UBE2E2: variants seen among roughly 807,000 people sequenced by gnomAD.
UBE2E2 encodes ubiquitin conjugating enzyme E2 E2, also known as ubiquitin-conjugating enzyme E2 E2.
UBE2E2 carries 6 observed loss-of-function variants against 24.7 expected under a neutral mutation model. The ratio of observed to expected loss-of-function variants is 0.24; its 90% CI spans 0.13 to 0.48. UBE2E2 has a LOEUF of 0.48. Ranked by LOEUF, UBE2E2 falls within the 20% of genes least tolerant of loss-of-function variation. UBE2E2 has a pLI of 0.99. For missense variants in UBE2E2, 169 were observed against 245.0 expected (o/e 0.69, Z 2.07); for synonymous variants, 104 against 83.6 (o/e 1.24, Z -1.33).
At chr3:23,505,078 G>GT (rs57451477) in intron 4 of UBE2E2, among the ~76,000 whole-genome samples, 1,598 of 139,550 alleles carry the variant, frequency 0.011, 16 homozygotes, top group African/African-American at 0.028. Context: ...GCTAATTTTT[G>GT]TTTTTTTTTT....
chr3:23,224,141 C>T (rs1696744744), intron 3 of UBE2E2, among the ~76,000 whole-genome samples: 1 of 138,764 alleles, frequency 7.2e-6, no homozygotes, highest in Admixed American at 7.5e-5. Flanking sequence ...TCTTGTGGTT[C>T]CATGTAAATT....
At chr3:23,282,184 A>T (rs145278165) in intron 3 of UBE2E2, among the ~76,000 whole-genome samples, 1 of 152,358 alleles carries the variant, frequency 6.6e-6, no homozygotes, top group Admixed American at 6.5e-5. Flanking sequence ...TGCAGTGAAT[A>T]CAGTTGGAAA....
At chr3:23,475,235 G>T (rs886550897) in intron 3 of UBE2E2, among the ~76,000 whole-genome samples, 1 of 151,954 alleles carries the variant, frequency 6.6e-6, no homozygotes, top group African/African-American at 2.4e-5. Context: ...TGCTGGTTCT[G>T]TCATAACCTA....
At chr3:23,490,875 T>C (rs977712558) in intron 3 of UBE2E2, among the ~76,000 whole-genome samples, 33 of 152,158 alleles carry the variant, frequency 2.2e-4, no homozygotes, top group African/African-American at 7.7e-4. Context: ...ATAGCCAAAA[T>C]CATTTTTTTC....
chr3:23,423,325 A>G (rs2125393357), intron 3 of UBE2E2, among the ~76,000 whole-genome samples: 1 of 152,270 alleles, frequency 6.6e-6, no homozygotes, highest in East Asian at 1.9e-4. Context: ...GTAAAGATAT[A>G]TTTTTCAAAA....
Position 23,435,360 on chromosome 3 carries a change from C to G in UBE2E2, c.228-64248C>G, listed in dbSNP as rs117690459. ...TAATCCTAGTTTACAGAATAAAAAG[C>G]TTGGAGATAAAAGTTAAGTTACTTG... On this transcript the variant is annotated intron_variant, in intron 3 of 5. Coordinates refer to ENST00000396703, the MANE Select transcript of UBE2E2 (RefSeq NM_152653.4). Among the ~76,000 whole-genome samples the G allele has an allele frequency of 4.6e-5, 7 of 152,256 alleles. No individual in the cohort carries two copies. In the East Asian group the frequency reaches 1.4e-3, roughly 29 times the overall value.
chr3:23,299,920 A>C (rs991525305), intron 3 of UBE2E2, among the ~76,000 whole-genome samples: 67 of 152,170 alleles, frequency 4.4e-4, no homozygotes, highest in Non-Finnish European at 4.6e-4. Context: ...TGGGAGTCTA[A>C]GTCTCTTTGT....
chr3:23,579,718 A>G, intron 5 of UBE2E2, among the ~76,000 whole-genome samples: 1 of 152,162 alleles, frequency 6.6e-6, no homozygotes, highest in East Asian at 1.9e-4. Flanking sequence ...AAAAGAAAAA[A>G]GAATACTATT....
At chr3:23,562,237 C>G (rs201459591) in intron 5 of UBE2E2, among the ~76,000 whole-genome samples, 1 of 151,896 alleles carries the variant, frequency 6.6e-6, no homozygotes, top group Non-Finnish European at 1.5e-5. Context: ...TTTTGAGATA[C>G]GTCCCATCAA....
At chr3:23,413,717 A>G (rs1697552432) in intron 3 of UBE2E2, among the ~76,000 whole-genome samples, 1 of 152,066 alleles carries the variant, frequency 6.6e-6, no homozygotes, top group African/African-American at 2.4e-5. Flanking sequence ...GTCATCCACT[A>G]GAGAGTAATT....
At chr3:23,515,407 T>C (rs1257232719) in intron 4 of UBE2E2, among the ~76,000 whole-genome samples, 5 of 152,004 alleles carry the variant, frequency 3.3e-5, no homozygotes. Context: ...CAAGGAAGTA[T>C]TATTTAGCTG....
intron 3 of UBE2E2, among the ~76,000 whole-genome samples, chr3:23,321,327 A>G (rs1694731738): frequency 6.6e-6 from 1 of 152,078 alleles, no homozygotes; most frequent in South Asian, 2.1e-4. Context: ...TGCCACTTGG[A>G]TCTACCCTGC....
At chr3:23,540,128 G>A (rs555756882) in intron 5 of UBE2E2, among the ~76,000 whole-genome samples, 14 of 151,492 alleles carry the variant, frequency 9.2e-5, no homozygotes, top group Non-Finnish European at 1.8e-4. Flanking sequence ...CAGTGGTGTC[G>A]TCATAGCTCT....
At chr3:23,259,419 TTTC>T (rs1470024779) in intron 3 of UBE2E2, among the ~76,000 whole-genome samples, 1 of 152,182 alleles carries the variant, frequency 6.6e-6, no homozygotes, top group African/African-American at 2.4e-5. Context: ...ACTGAATTTT[TTTC>T]TTATTTTTAA....
At chr3:23,303,120 G>C (rs966705598) in intron 3 of UBE2E2, among the ~76,000 whole-genome samples, 1 of 152,072 alleles carries the variant, frequency 6.6e-6, no homozygotes, top group African/African-American at 2.4e-5. Context: ...ACTTTATTGT[G>C]AACTGTGCAT....
intron 3 of UBE2E2, among the ~76,000 whole-genome samples, chr3:23,370,817 C>G (rs188061475): frequency 6.6e-6 from 1 of 152,074 alleles, no homozygotes; most frequent in African/African-American, 2.4e-5. Context: ...AATGGAAGAT[C>G]CCAGGAGGAA....
intron 3 of UBE2E2, among the ~76,000 whole-genome samples, chr3:23,352,427 A>G (rs1695781946): frequency 6.6e-6 from 1 of 152,236 alleles, no homozygotes; most frequent in Non-Finnish European, 1.5e-5. Context: ...ACCCTTCAAA[A>G]AAGTAATGAA....
intron 3 of UBE2E2, among the ~76,000 whole-genome samples, chr3:23,343,490 C>T (rs955992401): frequency 2.6e-5 from 4 of 152,194 alleles, no homozygotes; most frequent in East Asian, 1.9e-4. Context: ...GCAGGAGAAT[C>T]GCTTGAACCT....
intron 2 of UBE2E2, among the ~76,000 whole-genome samples, chr3:23,211,229 T>A (rs1696313419): frequency 6.6e-6 from 1 of 152,124 alleles, no homozygotes; most frequent in African/African-American, 2.4e-5. Context: ...TAGAGGTAGT[T>A]TCAAAATAAA....
Sources: allele counts gnomAD v4.1 joint callset (sites outside exome capture counted in the v4.1 genomes callset), GRCh38; gene constraint gnomAD v4.1.1; transcripts MANE v1.5; gene names NCBI Gene and HGNC (gene_info 2026-07-23, HGNC 2026-07-21).